Variants in ANKS1B observed in about 807,000 individuals in gnomAD.
ANKS1B encodes ankyrin repeat and sterile alpha motif domain containing 1B.
A neutral mutation model predicts 148.3 loss-of-function variants in ANKS1B; 36 were observed. The ratio of observed to expected loss-of-function variants is 0.24; its 90% CI spans 0.19 to 0.32. ANKS1B has a LOEUF of 0.32. Ranked by LOEUF, ANKS1B falls within the 10% of genes least tolerant of loss-of-function variation. The pLI is 1.00. For missense variants in ANKS1B, 1,157 were observed against 1,542.6 expected (o/e 0.75, Z 4.19); for synonymous variants, 542 against 560.8 (o/e 0.97, Z 0.47).
intron 9 of ANKS1B, among the ~76,000 whole-genome samples, chr12:99,600,733 G>A (rs951436790): frequency 6.6e-6 from 1 of 152,022 alleles, no homozygotes; most frequent in African/African-American, 2.4e-5. Flanking sequence ...TTCTAAGCAG[G>A]TTTTCTTAAT....
chr12:98,857,141 C>A (rs986418238), intron 17 of ANKS1B, among the ~76,000 whole-genome samples: 2 of 152,094 alleles, frequency 1.3e-5, no homozygotes, highest in African/African-American at 4.8e-5. Flanking sequence ...TATGAAAGGA[C>A]AACATGCCAT....
chr12:98,773,288 C>A (rs972611761), intron 24 of ANKS1B, 109 bp from the exon 25 acceptor site: 2 of 1,278,256 alleles, frequency 1.6e-6, no homozygotes, highest in African/African-American at 3.0e-5. Context: ...CTGGAGTGTT[C>A]TAGACTAGCA....
intron 17 of ANKS1B, among the ~76,000 whole-genome samples, chr12:99,046,196 C>G (rs893040307): frequency 6.6e-6 from 1 of 151,974 alleles, no homozygotes; most frequent in Non-Finnish European, 1.5e-5. Flanking sequence ...ACCTTAAAAG[C>G]AAGACCTGAA....
intron 14 of ANKS1B, among the ~76,000 whole-genome samples, chr12:99,224,851 T>C (rs532938340): frequency 1.7e-4 from 26 of 152,316 alleles, no homozygotes; most frequent in African/African-American, 6.3e-4. Flanking sequence ...CTGTATCTCA[T>C]AATCTTTCTC....
intron 17 of ANKS1B, among the ~76,000 whole-genome samples, chr12:99,046,420 T>C (rs2099962372): frequency 6.6e-6 from 1 of 152,150 alleles, no homozygotes; most frequent in Non-Finnish European, 1.5e-5. Context: ...AAGACAAAGA[T>C]ATTAAACCAG....
At position 98,842,917 on chromosome 12, in the gene ANKS1B, G is replaced by T. The variant is rs115228232; in HGVS notation, c.2779-10781C>A. Among the ~76,000 whole-genome samples, 986 of 152,222 alleles carry T rather than the reference G, an allele frequency of 6.5e-3. 7 individuals are homozygous for T. Among genetic ancestry groups the T allele is most frequent in the African/African-American group, 0.022 (930 of 41,516 alleles). On this transcript the variant is annotated intron_variant, in intron 17 of 26. Coordinates refer to ENST00000683438, the MANE Select transcript of ANKS1B (RefSeq NM_001352186.2). Reference sequence around the variant, plus strand: ...TTCCTATGTATGTATATTTTTGAGGGTCTTAATCCTCCAAGTCATAACACT... The same window carrying T: ...TTCCTATGTATGTATATTTTTGAGGTTCTTAATCCTCCAAGTCATAACACT...
intron 8 of ANKS1B, among the ~76,000 whole-genome samples, chr12:99,732,989 T>C (rs1487288423): frequency 1.3e-5 from 2 of 150,782 alleles, no homozygotes; most frequent in African/African-American, 4.9e-5. Context: ...TATCATACTA[T>C]TTCACAAGAG....
chr12:99,668,093 C>T (rs1287154480), intron 8 of ANKS1B, among the ~76,000 whole-genome samples: 1 of 152,124 alleles, frequency 6.6e-6, no homozygotes, highest in Non-Finnish European at 1.5e-5. Context: ...AAAAGGATTT[C>T]ACCAGTAAAC....
chr12:99,597,630 G>A (rs886920051), intron 9 of ANKS1B, among the ~76,000 whole-genome samples: 8 of 152,122 alleles, frequency 5.3e-5, no homozygotes, highest in South Asian at 2.1e-4. Flanking sequence ...TGATTTTAAT[G>A]ACAATAGACT....
intron 8 of ANKS1B, among the ~76,000 whole-genome samples, chr12:99,709,385 C>G (rs2056310081): frequency 6.6e-6 from 1 of 152,038 alleles, no homozygotes. Context: ...GAGGGTGTAA[C>G]CATGTTTGAA....
intron 1 of ANKS1B, among the ~76,000 whole-genome samples, chr12:99,933,039 G>A (rs770240257): frequency 6.6e-5 from 10 of 151,998 alleles, no homozygotes; most frequent in Non-Finnish European, 5.9e-5. Flanking sequence ...CCCAATGTAC[G>A]TTCTGGCACC....
intron 11 of ANKS1B, among the ~76,000 whole-genome samples, chr12:99,425,512 T>C (rs1312281928): frequency 7.9e-5 from 12 of 151,982 alleles, no homozygotes; most frequent in Non-Finnish European, 1.6e-4. Flanking sequence ...AGAAAATGTA[T>C]AGAAACATTT....
chr12:99,648,435 G>T, intron 9 of ANKS1B: 1 of 1,614,168 alleles, frequency 6.2e-7, no homozygotes, highest in South Asian at 1.1e-5. Flanking sequence ...ATGTCATGCT[G>T]CTGGCCCGAC....
chr12:98,763,269 G>A (rs906637221), intron 25 of ANKS1B, among the ~76,000 whole-genome samples: 4 of 152,218 alleles, frequency 2.6e-5, no homozygotes, highest in Non-Finnish European at 5.9e-5. Flanking sequence ...CATATTCACA[G>A]ACTTCATTGA....
intron 2 of ANKS1B, 125 bp from the exon 3 acceptor site, chr12:99,812,436 AT>A: frequency 1.8e-6 from 2 of 1,128,254 alleles, no homozygotes; most frequent in Non-Finnish European, 2.4e-6. Flanking sequence ...GTACTAAGAT[AT>A]AAAGTTGGGT....
intron 9 of ANKS1B, among the ~76,000 whole-genome samples, chr12:99,565,640 T>G (rs1170225236): frequency 6.6e-6 from 1 of 152,188 alleles, no homozygotes; most frequent in Non-Finnish European, 1.5e-5. Context: ...TCCTTCCTTT[T>G]TCATGAAAGG....
intron 8 of ANKS1B, among the ~76,000 whole-genome samples, chr12:99,704,791 A>G (rs1208363268): frequency 2.0e-5 from 3 of 152,116 alleles, no homozygotes; most frequent in Non-Finnish European, 4.4e-5. Context: ...ACATTTCTTC[A>G]AATTAGAGGA....
chr12:99,541,583 G>A (rs529524416), intron 9 of ANKS1B, among the ~76,000 whole-genome samples: 10 of 152,162 alleles, frequency 6.6e-5, no homozygotes, highest in African/African-American at 9.6e-5. Flanking sequence ...GCTTCTGGTC[G>A]GGCATGGTGG....
intron 9 of ANKS1B, among the ~76,000 whole-genome samples, chr12:99,639,310 G>A (rs2098277432): frequency 6.6e-6 from 1 of 152,206 alleles, no homozygotes. Context: ...TATACAGGAA[G>A]TAACTAACTT....
Sources: allele counts gnomAD v4.1 joint callset (sites outside exome capture counted in the v4.1 genomes callset), GRCh38; gene constraint gnomAD v4.1.1; transcripts MANE v1.5; gene names NCBI Gene and HGNC (gene_info 2026-07-23, HGNC 2026-07-21).